ASAP1: variants seen among roughly 807,000 people sequenced by gnomAD.
The protein encoded by ASAP1 is ArfGAP with SH3 domain, ankyrin repeat and PH domain 1, also known as arf-GAP with SH3 domain, ANK repeat and PH domain-containing protein 1.
Under a neutral mutation model 145.2 loss-of-function variants are expected in ASAP1, and 43 were observed. The ratio of observed to expected loss-of-function variants is 0.30; its 90% CI spans 0.23 to 0.38. The LOEUF (loss-of-function observed/expected upper bound fraction) is 0.38, where lower values mean the gene tolerates loss of function less well. Among genes scored for constraint, ASAP1 ranks in the 10% least tolerant of loss-of-function variants. The probability of loss-of-function intolerance (pLI) is 1.00; values close to 1 mark genes in which losing one functional copy is unlikely to be tolerated. For synonymous variants in ASAP1, 546 were observed against 515.5 expected (o/e 1.06, Z -0.80); for missense variants, 1,018 against 1,355.3 (o/e 0.75, Z 3.91).
intron 3 of ASAP1, 131 bp downstream of exon 3, chr8:130,357,885 AC>A: frequency 7.9e-7 from 1 of 1,266,952 alleles, no homozygotes; most frequent in Non-Finnish European, 1.1e-6. Context: ...TCCCTTATTC[AC>A]CCGGCGGCTC....
intron 27 of ASAP1, among the ~76,000 whole-genome samples, chr8:130,063,991 C>G (rs1211822401): frequency 6.6e-6 from 1 of 151,936 alleles, no homozygotes; most frequent in Non-Finnish European, 1.5e-5. Context: ...GAGTGACCAC[C>G]AAGGAGGGTG....
At chr8:130,353,240 T>C in intron 3 of ASAP1, among the ~76,000 whole-genome samples, 1 of 152,196 alleles carries the variant, frequency 6.6e-6, no homozygotes, top group East Asian at 1.9e-4. Context: ...ACTTGGAAAA[T>C]GACTTGTATA....
intron 1 of ASAP1, among the ~76,000 whole-genome samples, chr8:130,434,492 AAACTGCTTAC>A: frequency 6.6e-6 from 1 of 152,350 alleles, no homozygotes; most frequent in South Asian, 2.1e-4. Context: ...TCATAGAGGA[AAACTGCTTAC>A]AACAGTAATG....
intron 3 of ASAP1, among the ~76,000 whole-genome samples, chr8:130,320,301 A>T (rs1013993034): frequency 9.9e-5 from 15 of 152,200 alleles, no homozygotes; most frequent in African/African-American, 3.6e-4. Context: ...GTCGCCTGTA[A>T]TCCCAGCACT....
At chr8:130,436,010 G>C (rs1830299267) in intron 1 of ASAP1, among the ~76,000 whole-genome samples, 1 of 152,188 alleles carries the variant, frequency 6.6e-6, no homozygotes, top group African/African-American at 2.4e-5. Flanking sequence ...CCTGGGGCAT[G>C]AGCCACTAAG....
At chr8:130,079,821 A>G (rs549568816) in intron 26 of ASAP1, 81 bp downstream of exon 26, 1 of 1,439,388 alleles carries the variant, frequency 6.9e-7, no homozygotes, top group Admixed American at 1.7e-5. Context: ...GCGCTGGGAA[A>G]TTCATGAAAA....
In ASAP1 at chr8:130,164,004, A is replaced by G. The variant is rs548516562; in HGVS notation, c.909+3532T>C. Among the ~76,000 whole-genome samples the G allele has an allele frequency of 1.0e-3, 153 of 152,306 alleles. 1 individual carries two copies. Among genetic ancestry groups the G allele is most frequent in the African/African-American group, 3.5e-3 (146 of 41,584 alleles). The stretch of plus-strand genomic sequence containing the variant: ...GGGCTATAAATGTTTCTGGTATCCA[A>G]TTTAAAACTAAACCTCTACTACAGA... On this transcript the variant is annotated intron_variant, in intron 11 of 29. Coordinates refer to ENST00000518721, the MANE Select transcript of ASAP1 (RefSeq NM_018482.4).
intron 2 of ASAP1, among the ~76,000 whole-genome samples, chr8:130,401,162 A>G (rs531207198): frequency 1.3e-5 from 2 of 152,260 alleles, no homozygotes; most frequent in South Asian, 2.1e-4. Context: ...GATTACAGGC[A>G]TGAGCCACTG....
intron 3 of ASAP1, among the ~76,000 whole-genome samples, chr8:130,249,967 A>C (rs1169828776): frequency 6.6e-6 from 1 of 152,174 alleles, no homozygotes; most frequent in African/African-American, 2.4e-5. Flanking sequence ...TCCTAGGAAC[A>C]TTATTCTTCT....
intron 3 of ASAP1, among the ~76,000 whole-genome samples, chr8:130,329,150 A>G (rs1300269008): frequency 1.3e-5 from 2 of 152,088 alleles, no homozygotes; most frequent in East Asian, 3.9e-4. Context: ...ACTGTTCAAA[A>G]TCCAGCCTTA....
intron 3 of ASAP1, among the ~76,000 whole-genome samples, chr8:130,354,836 C>A: frequency 6.6e-6 from 1 of 152,198 alleles, no homozygotes; most frequent in East Asian, 1.9e-4. Flanking sequence ...TGTGACCCTT[C>A]GCCCCAAAAG....
chr8:130,117,883 T>C (rs1009058313), intron 20 of ASAP1, among the ~76,000 whole-genome samples: 2 of 152,202 alleles, frequency 1.3e-5, no homozygotes, highest in Non-Finnish European at 1.5e-5. Context: ...CCATATCTGG[T>C]TCACTGTCTG....
Position 130,347,650 on chromosome 8 carries a change from AC to A in ASAP1, c.186+10366del, listed in dbSNP as rs368455671. On this transcript the variant is annotated intron_variant, in intron 3 of 29. Transcript: ENST00000518721. ...AAGACTTAGCCCCACCCATCACATA[AC>A]CCCCTCATCCTGGCCAAAGCTGACT... 5.9e-4 allele frequency among the ~76,000 whole-genome samples: 89 copies of A among 152,116 alleles called. 2 individuals are homozygous for A. In the South Asian group the frequency reaches 0.016, roughly 27 times the overall value.
intron 3 of ASAP1, among the ~76,000 whole-genome samples, chr8:130,276,720 A>ACTCTCTCTCTCTCT (rs1263231372): frequency 6.8e-5 from 8 of 117,584 alleles, no homozygotes; most frequent in African/African-American, 2.4e-4. Flanking sequence ...ACACACACAC[A>ACTCTCTCTCTCTCT]CACACACACT....
intron 4 of ASAP1, among the ~76,000 whole-genome samples, chr8:130,215,017 C>T (rs561656926): frequency 2.0e-5 from 3 of 152,172 alleles, no homozygotes; most frequent in Non-Finnish European, 4.4e-5. Flanking sequence ...TCTCCTGCCT[C>T]AGCCTCTTGA....
intron 5 of ASAP1, among the ~76,000 whole-genome samples, chr8:130,199,300 C>T (rs908087112): frequency 3.9e-5 from 6 of 152,204 alleles, no homozygotes; most frequent in Non-Finnish European, 8.8e-5. Context: ...AATAAAAATG[C>T]TTACTGATTA....
In ASAP1 at chr8:130,364,039, C is replaced by T. The variant is rs151327085; in HGVS notation, c.60-5896G>A. Among the ~76,000 whole-genome samples, 938 of 152,190 alleles carry T rather than the reference C, an allele frequency of 6.2e-3. 4 individuals are homozygous for T. Among genetic ancestry groups the T allele is most frequent in the South Asian group, 0.023 (109 of 4,816 alleles). On this transcript the variant is annotated intron_variant, in intron 2 of 29. Transcript: ENST00000518721. ...TGTATGAGTGCTTCCCAATTGCACT[C>T]GTGCAATTTCAGGTAATAATAATAA...
At chr8:130,123,402 A>G (rs1382698840) in intron 18 of ASAP1, among the ~76,000 whole-genome samples, 1 of 152,044 alleles carries the variant, frequency 6.6e-6, no homozygotes, top group Non-Finnish European at 1.5e-5. Context: ...AATGTCTCTT[A>G]CTCATCACAA....
At chr8:130,279,030 T>C (rs1287985637) in intron 3 of ASAP1, among the ~76,000 whole-genome samples, 1 of 152,170 alleles carries the variant, frequency 6.6e-6, no homozygotes, top group East Asian at 1.9e-4. Context: ...TTATTGAAAG[T>C]GATACCCTAA....
Sources: allele counts gnomAD v4.1 joint callset (sites outside exome capture counted in the v4.1 genomes callset), GRCh38; gene constraint gnomAD v4.1.1; transcripts MANE v1.5; gene names NCBI Gene and HGNC (gene_info 2026-07-23, HGNC 2026-07-21).